DENND2A: variants seen among roughly 807,000 people sequenced by gnomAD.
The protein encoded by DENND2A is DENN domain containing 2A.
Under a neutral mutation model 105.3 loss-of-function variants are expected in DENND2A, and 53 were observed. The ratio of observed to expected loss-of-function variants is 0.50; its 90% CI spans 0.40 to 0.63. The LOEUF (loss-of-function observed/expected upper bound fraction) is 0.63. DENND2A is among the 30% of genes least tolerant of loss of function. DENND2A has a pLI of 0.00. For synonymous variants in DENND2A, 522 were observed against 508.4 expected, an observed-to-expected ratio of 1.03 and a Z score of -0.36; for missense variants, 1,138 against 1,279.6, an observed-to-expected ratio of 0.89 and a Z score of 1.69.
At chr7:140,588,761 T>C (rs1611784) in intron 3 of DENND2A, among the ~76,000 whole-genome samples, 71,565 of 146,244 alleles carry the variant, frequency 0.49, 21,886 homozygotes, top group African/African-American at 0.87. Context: ...CCACTTTTTT[T>C]GGCACTTTTT....
intron 14 of DENND2A, among the ~76,000 whole-genome samples, chr7:140,529,943 TAAAAC>T (rs1022372800): frequency 2.0e-5 from 3 of 150,668 alleles, no homozygotes; most frequent in South Asian, 2.1e-4. Context: ...AAAAGTATAA[TAAAAC>T]AAAACAAAAC....
At chr7:140,625,729 A>T (rs1053013790) in intron 1 of DENND2A, among the ~76,000 whole-genome samples, 1 of 152,114 alleles carries the variant, frequency 6.6e-6, no homozygotes, top group Non-Finnish European at 1.5e-5. Flanking sequence ...GAAAACAAAA[A>T]ACATTAGCCA....
intron 5 of DENND2A, among the ~76,000 whole-genome samples, chr7:140,580,569 C>T (rs1798500901): frequency 6.6e-6 from 1 of 152,172 alleles, no homozygotes. Flanking sequence ...ATCCTCCCAC[C>T]TTGGCTTCCC....
intron 13 of DENND2A, among the ~76,000 whole-genome samples, chr7:140,545,220 A>T (rs1796847164): frequency 6.6e-6 from 1 of 152,208 alleles, no homozygotes; most frequent in African/African-American, 2.4e-5. Context: ...CCAGACTAGC[A>T]TGGAACGCCC....
intron 9 of DENND2A, among the ~76,000 whole-genome samples, chr7:140,563,294 G>A (rs539934784): frequency 3.3e-5 from 5 of 152,176 alleles, no homozygotes; most frequent in South Asian, 2.1e-4. Context: ...CTACCCACAC[G>A]TCATCAACCT....
chr7:140,613,670 TA>T (rs1019747103), intron 1 of DENND2A, among the ~76,000 whole-genome samples: 3,123 of 117,016 alleles, frequency 0.027, 115 homozygotes, highest in African/African-American at 0.11. Flanking sequence ...CCCTTAAAAT[TA>T]AAAAAAAAAA....
chr7:140,631,673 GATGAA>G (rs1800737962), intron 1 of DENND2A, among the ~76,000 whole-genome samples: 2 of 152,122 alleles, frequency 1.3e-5, no homozygotes, highest in African/African-American at 4.8e-5. Flanking sequence ...AAATACAGAT[GATGAA>G]ATGAACCAGA....
intron 3 of DENND2A, 25 bp downstream of exon 3, chr7:140,601,376 ACT>A (rs752713320): frequency 1.8e-5 from 27 of 1,542,578 alleles, no homozygotes; most frequent in Admixed American, 8.0e-5. Flanking sequence ...AGGTGGCGAC[ACT>A]CTGCCTGGCC....
At chr7:140,606,681 A>T (rs1353669460) in intron 1 of DENND2A, among the ~76,000 whole-genome samples, 1 of 152,120 alleles carries the variant, frequency 6.6e-6, no homozygotes, top group Non-Finnish European at 1.5e-5. Flanking sequence ...GCCAGTCACG[A>T]GGTCATCTGT....
chr7:140,562,641 G>A (rs1797675878), intron 9 of DENND2A, among the ~76,000 whole-genome samples: 1 of 148,290 alleles, frequency 6.7e-6, no homozygotes, highest in African/African-American at 2.5e-5. Flanking sequence ...CAGCCTGGGT[G>A]ACAAAGGGAG....
rs745768435 is a variant in DENND2A, at chr7:140,555,636, C to T, written c.2037G>A (p.Arg679=). The change falls in exon 12 of 20, where the codon AGG becomes AGA. Residue 679 remains arginine, a splice_region_variant and synonymous_variant. Transcript: ENST00000496613. ...CTTTCTCTGAGGTCCAAGTTCTCAC[C>T]CTTGAAAAGAGGCTGAAGCATCCCA... ...SRLGCFSLFS[R]ILDEVEKRRG... 4 of 1,611,244 alleles carry T rather than the reference C, an allele frequency of 2.5e-6. No homozygotes were observed. The highest frequency in any genetic ancestry group is 2.5e-6 in the Non-Finnish European group (3 of 1,179,008).
intron 10 of DENND2A, among the ~76,000 whole-genome samples, chr7:140,558,915 G>T (rs997351879): frequency 6.6e-6 from 1 of 150,948 alleles, no homozygotes; most frequent in Non-Finnish European, 1.5e-5. Context: ...CGATTCTCCT[G>T]CCCCAGCGCC....
At chr7:140,582,162 A>G (rs87156) in intron 5 of DENND2A, among the ~76,000 whole-genome samples, 80,157 of 151,730 alleles carry the variant, frequency 0.53, 24,044 homozygotes, top group African/African-American at 0.83. Flanking sequence ...ATGGGGTTTC[A>G]CCATGTTGGC....
At chr7:140,541,231 T>G (rs1109938) in intron 14 of DENND2A, among the ~76,000 whole-genome samples, 4,978 of 152,176 alleles carry the variant, frequency 0.033, 251 homozygotes, top group African/African-American at 0.11. Flanking sequence ...TCACTGTACT[T>G]TTACCAGAAA....
rs111481676 is a variant in DENND2A, at chr7:140,531,822, A to AAGCAAC, written c.2328-4328_2328-4327insGTTGCT. ...AAACGCGAAACTCTGTCTCAAAGGA[A>AAGCAAC]AACAACAACAACAACAACAACAAAA... On this transcript the variant is annotated intron_variant, in intron 14 of 19. Transcript: ENST00000496613. Among the ~76,000 whole-genome samples the AAGCAAC allele has an allele frequency of 2.7e-5, 4 of 146,790 alleles. 1 individual carries two copies. The highest frequency in any genetic ancestry group is 5.1e-5 in the African/African-American group (2 of 38,990).
chr7:140,518,826 G>GT (rs1347128938), intron 19 of DENND2A, 88 bp from the exon 20 acceptor site: 2 of 1,394,852 alleles, frequency 1.4e-6, no homozygotes, highest in African/African-American at 1.4e-5. Context: ...AGTGGTGCGG[G>GT]TAACGGGGCC....
intron 6 of DENND2A, among the ~76,000 whole-genome samples, chr7:140,570,631 G>A (rs953986340): frequency 5.3e-5 from 8 of 152,154 alleles, no homozygotes; most frequent in African/African-American, 1.7e-4. Context: ...CCCTCCATGT[G>A]TTCACAGAAC....
chr7:140,634,218 T>C (rs1800838524), intron 1 of DENND2A, among the ~76,000 whole-genome samples: 2 of 152,014 alleles, frequency 1.3e-5, no homozygotes, highest in African/African-American at 4.8e-5. Flanking sequence ...CAGGACCGTC[T>C]TGATCTCCTG....
intron 14 of DENND2A, among the ~76,000 whole-genome samples, chr7:140,539,786 T>C (rs1796590489): frequency 6.6e-6 from 1 of 152,242 alleles, no homozygotes; most frequent in South Asian, 2.1e-4. Context: ...GCTCACGCGT[T>C]GTTTACCCTC....
Sources: gnomAD v4.1 joint callset for allele counts (sites outside exome capture counted in the v4.1 genomes callset) on GRCh38, gnomAD v4.1.1 for gene constraint, MANE v1.5 for transcripts, NCBI Gene and HGNC (gene_info 2026-07-23, HGNC 2026-07-21) for gene names.